PLEKHA7: variants seen among roughly 807,000 people sequenced by gnomAD.
The protein encoded by PLEKHA7 is pleckstrin homology domain-containing family A member 7.
PLEKHA7 carries 104 observed loss-of-function variants against 170.0 expected under a neutral mutation model. The observed-to-expected ratio is 0.61, with a 90% CI of 0.52 to 0.72. The LOEUF (loss-of-function observed/expected upper bound fraction) is 0.72. Ranked by LOEUF, PLEKHA7 falls within the 30% of genes least tolerant of loss-of-function variation. The pLI is 0.00. For missense variants in PLEKHA7, 1,615 were observed against 1,671.7 expected (o/e 0.97, Z 0.59); for synonymous variants, 648 against 660.8 (o/e 0.98, Z 0.30).
intron 9 of PLEKHA7, among the ~76,000 whole-genome samples, chr11:16,837,055 C>T (rs1414308348): frequency 2.0e-5 from 3 of 152,138 alleles, no homozygotes; most frequent in Non-Finnish European, 1.5e-5. Context: ...AACTCCTGAC[C>T]TCAAGTTGTC....
intron 3 of PLEKHA7, among the ~76,000 whole-genome samples, chr11:16,965,351 A>T (rs2136657399): frequency 6.6e-6 from 1 of 152,160 alleles, no homozygotes; most frequent in East Asian, 1.9e-4. Context: ...GAAGACCCCT[A>T]TCTTAGACCA....
rs1271070200 is a variant in PLEKHA7 at position 16,791,828 on chromosome 11, ATG to A, written c.2746-631_2746-630del. 1 of 380,776 alleles carries A rather than the reference ATG, an allele frequency of 2.6e-6. No individual in the cohort carries two copies. The highest frequency in any genetic ancestry group is 5.3e-6 in the Non-Finnish European group (1 of 189,152). 23.6% of individuals were successfully genotyped at this position (380,776 alleles called of 1,614,324 possible). A position where few individuals can be genotyped will look rare whatever the true frequency, so the allele number is the denominator to read the frequency against. ...CATGCAGTTCATTCCCTAGAATGTG[ATG>A]AATGCAACATTTTCCTTGAAACTCC... On this transcript the variant is annotated intron_variant, in intron 19 of 26. Coordinates refer to ENST00000531066, the MANE Select transcript of PLEKHA7 (RefSeq NM_001329630.2). This position sits in a 1 kb window ranked among gnomAD's most constrained non-coding sequence, Gnocchi z 4.5.
At chr11:16,787,943 C>T (rs12272319) in intron 23 of PLEKHA7, 1 of 152,186 alleles carries the variant, frequency 6.6e-6, no homozygotes, top group Admixed American at 6.5e-5. Context: ...GTATATTTTG[C>T]TATCCCTTCA....
intron 3 of PLEKHA7, among the ~76,000 whole-genome samples, chr11:16,918,199 T>C (rs1236713641): frequency 1.3e-5 from 2 of 152,206 alleles, no homozygotes; most frequent in African/African-American, 4.8e-5. Context: ...GGATAAGGGT[T>C]CTGTCACTGA....
chr11:16,970,598 T>A (rs1402447261), intron 3 of PLEKHA7, among the ~76,000 whole-genome samples: 1 of 150,798 alleles, frequency 6.6e-6, no homozygotes, highest in Non-Finnish European at 1.5e-5. Flanking sequence ...GCCCAGGAGG[T>A]CGAGGCTGCA....
chr11:16,911,627 G>A (rs558542768), intron 3 of PLEKHA7, among the ~76,000 whole-genome samples: 1 of 152,126 alleles, frequency 6.6e-6, no homozygotes, highest in South Asian at 2.1e-4. Flanking sequence ...AGAGGAAACT[G>A]GCAGAAGTGA....
rs189546832 is a variant in PLEKHA7, at chr11:16,874,267, G to C, written c.222-3085C>G. Among the ~76,000 whole-genome samples, 444 of 152,318 alleles carry C rather than the reference G, an allele frequency of 2.9e-3. 3 individuals carry two copies. Among genetic ancestry groups the C allele is most frequent in the African/African-American group, 0.01 (424 of 41,562 alleles). ...CACACCTGTAATCCTAGCACTTCCT[G>C]AGGCTGGGGCGGGTGAATCACTTAA... On this transcript the variant is annotated intron_variant, in intron 3 of 26. Coordinates refer to ENST00000531066, the MANE Select transcript of PLEKHA7 (RefSeq NM_001329630.2).
At position 16,786,381 on chromosome 11, in the gene PLEKHA7, G is replaced by A. The variant is rs1018159790; in HGVS notation, c.3364C>T (p.Arg1122Cys). 1.1e-5 allele frequency: 17 copies of A among 1,535,966 alleles called. No homozygotes were observed. The highest frequency in any genetic ancestry group is 4.8e-5 in the South Asian group (4 of 84,054). ...AACTGCAGGTCAAAGTCCTGCTCAC[G>A]CTTCCACTGGCAACAGAACAAGAGG... The part of the protein sequence containing the change: ...PLPGDLGSWK[R>C]EQDFDLQLLE... Residue 1122 changes from arginine to cysteine, a missense_variant, in exon 24 of 27, where the codon CGT (arginine) becomes TGT (cysteine). Coordinates refer to ENST00000531066, the MANE Select transcript of PLEKHA7 (RefSeq NM_001329630.2).
chr11:16,861,494 CA>C (rs1056182658), intron 4 of PLEKHA7, among the ~76,000 whole-genome samples: 8 of 151,958 alleles, frequency 5.3e-5, no homozygotes, highest in African/African-American at 1.9e-4. Context: ...ATGAAAAATA[CA>C]AAAATTAGCC....
In PLEKHA7 at chr11:16,848,543, G is replaced by A. The variant is rs754226050; in HGVS notation, c.696+2648C>T. ...TTTAAATGTGTGGTCTAGCGATGCA[G>A]GTGTTTGTTTACTAACGTACTGCAT... On this transcript the variant is annotated intron_variant, in intron 8 of 26. Transcript: ENST00000531066. Among the ~76,000 whole-genome samples the A allele has an allele frequency of 6.0e-4, 92 of 152,332 alleles. 1 individual carries two copies. Among genetic ancestry groups the A allele is most frequent in the Non-Finnish European group, 3.7e-4 (25 of 68,030 alleles).
chr11:16,968,974 G>C (rs978177260), intron 3 of PLEKHA7, among the ~76,000 whole-genome samples: 1 of 152,194 alleles, frequency 6.6e-6, no homozygotes, highest in Non-Finnish European at 1.5e-5. Flanking sequence ...TAGGGCCTCA[G>C]TAAAAAAGCA....
chr11:16,951,844 C>T (rs1455282152), intron 3 of PLEKHA7, among the ~76,000 whole-genome samples: 2 of 152,176 alleles, frequency 1.3e-5, no homozygotes, highest in East Asian at 1.9e-4. Context: ...AAGGTTTATC[C>T]ATAAATACTC....
chr11:16,931,599 AC>A (rs1336037394), intron 3 of PLEKHA7, among the ~76,000 whole-genome samples: 2 of 151,162 alleles, frequency 1.3e-5, no homozygotes, highest in East Asian at 1.9e-4. Context: ...ACAAAACAAA[AC>A]AAAACAAAAA....
intron 3 of PLEKHA7, among the ~76,000 whole-genome samples, chr11:16,889,478 T>TG (rs1468480726): frequency 6.9e-6 from 1 of 144,642 alleles, no homozygotes; most frequent in African/African-American, 2.5e-5. Context: ...GGCACACACC[T>TG]GTAGTCCCAG....
chr11:16,924,291 GAC>G, intron 3 of PLEKHA7, among the ~76,000 whole-genome samples: 1 of 152,180 alleles, frequency 6.6e-6, no homozygotes, highest in East Asian at 1.9e-4. Flanking sequence ...GCCTGGGAGA[GAC>G]AAGTCAGGTG....
chr11:16,871,175 G>A lies in PLEKHA7; in HGVS notation c.229C>T (p.Gln77Ter). 6.2e-7 allele frequency: 1 copy of A among 1,606,520 alleles called. No individual in the cohort carries two copies. The highest frequency in any genetic ancestry group is 1.1e-5 in the South Asian group (1 of 90,912). ...GGATGCCTGAATGCTGTGGTCTGCTGGTTATGGCTAAAGAGAAAGAGAGAA... is the reference window on the plus strand; with the variant it reads ...GGATGCCTGAATGCTGTGGTCTGCTAGTTATGGCTAAAGAGAAAGAGAGAA... ...EGASYFIDHN[Q>*]QTTAFRHPVT... The change falls in exon 4 of 27, where the codon CAG becomes TAG. Residue 77 changes from glutamine to a stop codon, truncating the protein, a stop_gained. Transcript: ENST00000531066. LOFTEE classifies it high-confidence loss of function.
At chr11:16,852,971 AATATTTT>A (rs1853105874) in intron 6 of PLEKHA7, among the ~76,000 whole-genome samples, 1 of 152,208 alleles carries the variant, frequency 6.6e-6, no homozygotes, top group Admixed American at 6.5e-5. Context: ...AATTACTGTG[AATATTTT>A]TCAAAAACAT....
intron 3 of PLEKHA7, among the ~76,000 whole-genome samples, chr11:17,010,548 G>A (rs972404124): frequency 6.6e-6 from 1 of 152,198 alleles, no homozygotes; most frequent in African/African-American, 2.4e-5. Flanking sequence ...CAAGGCTGCA[G>A]TGAGCTATGA....
At chr11:16,925,177 G>A (rs1056372876) in intron 3 of PLEKHA7, among the ~76,000 whole-genome samples, 4 of 152,220 alleles carry the variant, frequency 2.6e-5, no homozygotes, top group Non-Finnish European at 4.4e-5. Context: ...CGGGGCCGTG[G>A]GGTCCCCAAC....
Sources: gnomAD v4.1 joint callset for allele counts (sites outside exome capture counted in the v4.1 genomes callset) on GRCh38, gnomAD v4.1.1 for gene constraint, Gnocchi (gnomAD v3.1) non-coding constraint, MANE v1.5 for transcripts, NCBI Gene and HGNC (gene_info 2026-07-23, HGNC 2026-07-21) for gene names.